The following GLIS3 variants were observed in gnomAD, a reference collection of about 807,000 sequenced individuals.
GLIS3 encodes zinc finger protein GLIS3.
In GLIS3, 53 loss-of-function variants were observed where a neutral mutation model predicts 78.6. That is an observed-to-expected ratio of 0.67 (90% confidence interval 0.54 to 0.85). The LOEUF (loss-of-function observed/expected upper bound fraction) is 0.85, where lower values mean the gene tolerates loss of function less well. GLIS3 is among the 40% of genes least tolerant of loss of function. The pLI is 0.00. For synonymous variants in GLIS3, 684 were observed against 509.9 expected (o/e 1.34, Z -4.60); for missense variants, 1,703 against 1,231.1 (o/e 1.38, Z -5.74).
intron 2 of GLIS3, among the ~76,000 whole-genome samples, chr9:4,271,212 G>C (rs1826478559): frequency 6.6e-6 from 1 of 152,110 alleles, no homozygotes. Context: ...TTTCTCAGTA[G>C]CATTTTCTTT....
intron 2 of GLIS3, among the ~76,000 whole-genome samples, chr9:4,168,336 T>G (rs1006240357): frequency 6.6e-6 from 1 of 152,222 alleles, no homozygotes; most frequent in Non-Finnish European, 1.5e-5. Flanking sequence ...TAAGATATTT[T>G]TGACTTGAGA....
At chr9:4,379,017 T>C in the GLIS3 span, among the ~76,000 whole-genome samples, 6 of 152,150 alleles carry the variant, frequency 3.9e-5, no homozygotes, top group African/African-American at 9.7e-5. Flanking sequence ...TAAGTGAAAA[T>C]GCTATATAAG....
chr9:3,959,927 G>T (rs983127859), intron 4 of GLIS3, among the ~76,000 whole-genome samples: 1 of 152,156 alleles, frequency 6.6e-6, no homozygotes, highest in South Asian at 2.1e-4. Context: ...CGAGGCAGGC[G>T]GACCACCTGA....
chr9:4,182,469 T>G (rs1393177540), intron 2 of GLIS3, among the ~76,000 whole-genome samples: 1 of 152,174 alleles, frequency 6.6e-6, no homozygotes, highest in Non-Finnish European at 1.5e-5. Context: ...CTCCACACTG[T>G]CGGGGATATT....
chr9:4,348,873 T>G (rs145330016), upstream of GLIS3, among the ~76,000 whole-genome samples: 4 of 152,230 alleles, frequency 2.6e-5, no homozygotes. Flanking sequence ...ATCAAAATTA[T>G]GTCTATTGGC....
the GLIS3 span, among the ~76,000 whole-genome samples, chr9:4,410,932 C>G: frequency 6.6e-6 from 1 of 152,156 alleles, no homozygotes; most frequent in South Asian, 2.1e-4. Context: ...AAATATAATT[C>G]TCACAAACTC....
chr9:3,949,836 A>C (rs1182413067), intron 4 of GLIS3, among the ~76,000 whole-genome samples: 5 of 152,156 alleles, frequency 3.3e-5, no homozygotes, highest in African/African-American at 9.7e-5. Flanking sequence ...TCATTTTGCT[A>C]TTTTCCGTTG....
At chr9:4,040,450 T>G (rs557882175) in intron 4 of GLIS3, among the ~76,000 whole-genome samples, 4 of 152,286 alleles carry the variant, frequency 2.6e-5, no homozygotes, top group African/African-American at 9.6e-5. Flanking sequence ...GCGTGCTACA[T>G]TTACGATAGA....
chr9:4,415,584 C>G, the GLIS3 span, among the ~76,000 whole-genome samples: 1 of 152,170 alleles, frequency 6.6e-6, no homozygotes, highest in Admixed American at 6.5e-5. Flanking sequence ...ATGAAATTAA[C>G]AACTCAGATC....
chr9:4,144,945 C>A (rs190846360), intron 2 of GLIS3: 1 of 152,332 alleles, frequency 6.6e-6, no homozygotes, highest in African/African-American at 2.4e-5. Flanking sequence ...CAGTAATCCT[C>A]TCCGGAAAAA....
intron 2 of GLIS3, among the ~76,000 whole-genome samples, chr9:4,186,518 A>T (rs1254238736): frequency 6.6e-6 from 1 of 151,768 alleles, no homozygotes; most frequent in African/African-American, 2.4e-5. Context: ...ATACCCACTA[A>T]TGGGATGGCT....
chr9:4,320,809 T>A (rs1057324330), intron 2 of GLIS3, among the ~76,000 whole-genome samples: 4 of 152,160 alleles, frequency 2.6e-5, no homozygotes, highest in African/African-American at 9.6e-5. Flanking sequence ...AACATTGTAT[T>A]ATGTCTTAAG....
In GLIS3 at chr9:3,907,602, CCAA is replaced by C. The variant is rs1563836829; in HGVS notation, c.1984-8770_1984-8768del. ...GCCAATGGCTAGCATCCTCCACCCC[CCAA>C]ACACACACACACACACACAGACACA... On this transcript the variant is annotated intron_variant, in intron 6 of 10. Coordinates refer to ENST00000381971, the MANE Select transcript of GLIS3 (RefSeq NM_001042413.2). Among the ~76,000 whole-genome samples the C allele has an allele frequency of 3.2e-4, 26 of 81,470 alleles. No individual in the cohort carries two copies. The Admixed American group carries it at 3.5e-3, about 11-fold the overall frequency. The allele number at this position is 81,470 out of a possible 152,430, so 53.4% of individuals were successfully genotyped here.
At chr9:4,117,707 C>A in intron 4 of GLIS3, 61 bp downstream of exon 4, 2 of 1,601,840 alleles carry the variant, frequency 1.2e-6, no homozygotes, top group South Asian at 1.1e-5. Flanking sequence ...GGAAAAAACA[C>A]ACGTACGCAA....
At chr9:4,260,677 C>T (rs769766332) in intron 2 of GLIS3, among the ~76,000 whole-genome samples, 29 of 151,788 alleles carry the variant, frequency 1.9e-4, no homozygotes, top group Non-Finnish European at 4.3e-4. Flanking sequence ...ACCCGGGAGG[C>T]GGAGGTTGCA....
chr9:4,365,421 G>T, the GLIS3 span, among the ~76,000 whole-genome samples: 3 of 152,030 alleles, frequency 2.0e-5, no homozygotes, highest in East Asian at 3.9e-4. Flanking sequence ...GCCTGGCATG[G>T]TGGCGGGTGC....
the GLIS3 span, among the ~76,000 whole-genome samples, chr9:4,449,106 A>T: frequency 2.0e-5 from 3 of 151,964 alleles, no homozygotes; most frequent in African/African-American, 7.3e-5. Flanking sequence ...AAATCGGGAC[A>T]CTCCCACCCA....
chr9:4,241,723 T>C (rs1004087527), intron 2 of GLIS3, among the ~76,000 whole-genome samples: 4 of 152,166 alleles, frequency 2.6e-5, no homozygotes, highest in African/African-American at 9.7e-5. Flanking sequence ...GTCTGGAATG[T>C]CCAGGCTGGA....
the GLIS3 span, among the ~76,000 whole-genome samples, chr9:4,378,342 A>C: frequency 8.5e-5 from 13 of 152,174 alleles, no homozygotes; most frequent in African/African-American, 2.9e-4. Context: ...CAATTATTCA[A>C]TGTTTATCAG....
Sources: gnomAD v4.1 joint callset for allele counts (sites outside exome capture counted in the v4.1 genomes callset) on GRCh38, gnomAD v4.1.1 for gene constraint, MANE v1.5 for transcripts, NCBI Gene and HGNC (gene_info 2026-07-23, HGNC 2026-07-21) for gene names.